The following NEDD4L variants were observed in gnomAD, a reference collection of about 807,000 sequenced individuals.
NEDD4L encodes NEDD4 like E3 ubiquitin protein ligase.
Under a neutral mutation model 148.9 loss-of-function variants are expected in NEDD4L, and 54 were observed. That is an observed-to-expected ratio of 0.36 (90% CI 0.29 to 0.45). The LOEUF (loss-of-function observed/expected upper bound fraction) is 0.45, where lower values mean the gene tolerates loss of function less well. Ranked by LOEUF, NEDD4L falls within the 20% of genes least tolerant of loss-of-function variation. The probability of loss-of-function intolerance (pLI) is 1.00; values close to 1 mark genes in which losing one functional copy is unlikely to be tolerated. For missense variants in NEDD4L, 856 were observed against 1,233.8 expected, an observed-to-expected ratio of 0.69 and a Z score of 4.59; for synonymous variants, 433 against 440.7, an observed-to-expected ratio of 0.98 and a Z score of 0.22.
chr18:58,116,928 C>G (rs1465389990), intron 1 of NEDD4L, among the ~76,000 whole-genome samples: 3 of 152,230 alleles, frequency 2.0e-5, no homozygotes, highest in Admixed American at 6.5e-5. Context: ...AACGCTGGCC[C>G]TTCTTTCTTA....
At chr18:58,068,398 A>G (rs1599042802) in intron 1 of NEDD4L, among the ~76,000 whole-genome samples, 5 of 151,942 alleles carry the variant, frequency 3.3e-5, no homozygotes, top group Admixed American at 3.3e-4. Flanking sequence ...ACGGGGTTTC[A>G]CCATGTTAGC....
chr18:58,168,184 G>T (rs1294254780), intron 2 of NEDD4L, among the ~76,000 whole-genome samples: 1 of 152,188 alleles, frequency 6.6e-6, no homozygotes, highest in Non-Finnish European at 1.5e-5. Context: ...CCTGCTTCTG[G>T]TCTTCATTTT....
chr18:58,374,410 A>G (rs977945487), intron 24 of NEDD4L, among the ~76,000 whole-genome samples: 6 of 152,090 alleles, frequency 3.9e-5, no homozygotes, highest in Admixed American at 2.6e-4. Context: ...GCTTAATGTA[A>G]ATGATCAAGT....
intron 2 of NEDD4L, among the ~76,000 whole-genome samples, chr18:58,236,711 C>T (rs934877510): frequency 6.6e-6 from 1 of 152,158 alleles, no homozygotes; most frequent in African/African-American, 2.4e-5. Flanking sequence ...GTTTTTCCTA[C>T]GTTTCAGATC....
intron 10 of NEDD4L, 86 bp from the exon 11 acceptor site, chr18:58,330,652 C>A: frequency 1.9e-6 from 2 of 1,037,110 alleles, no homozygotes; most frequent in Non-Finnish European, 2.7e-6. Flanking sequence ...ATCACCGGGG[C>A]TATTGTTGTT....
At chr18:58,257,298 T>G (rs1209383764) in intron 5 of NEDD4L, among the ~76,000 whole-genome samples, 2 of 152,126 alleles carry the variant, frequency 1.3e-5, no homozygotes, top group African/African-American at 4.8e-5. Context: ...TCATGGCCTG[T>G]TTGCTGCAGG....
intron 1 of NEDD4L, among the ~76,000 whole-genome samples, chr18:58,054,278 CTGAAGAA>C (rs2144559310): frequency 6.6e-6 from 1 of 152,352 alleles, no homozygotes; most frequent in African/African-American, 2.4e-5. Flanking sequence ...CCCTGAGAAC[CTGAAGAA>C]TGGGACTTTG....
chr18:58,153,591 T>G (rs1004708216), intron 1 of NEDD4L, among the ~76,000 whole-genome samples: 8 of 151,984 alleles, frequency 5.3e-5, no homozygotes, highest in Admixed American at 3.3e-4. Context: ...ATCTGCTTTG[T>G]GTCTCTTAGG....
chr18:58,340,613 A>G (rs563864515), intron 13 of NEDD4L, among the ~76,000 whole-genome samples: 29 of 152,348 alleles, frequency 1.9e-4, no homozygotes, highest in African/African-American at 6.3e-4. Context: ...AGAGCACCCC[A>G]TGGGAGCTAC....
At chr18:58,383,400 A>C in intron 25 of NEDD4L, 81 bp downstream of exon 25, 9 of 791,050 alleles carry the variant, frequency 1.1e-5, no homozygotes, top group Non-Finnish European at 1.5e-5. Flanking sequence ...GAAACAGCTC[A>C]TGCATTTATT....
chr18:58,115,245 C>CTTTTTTTTTTTTTTTTTTTTTTTCTTTTT (rs60541981), intron 1 of NEDD4L, among the ~76,000 whole-genome samples: 1 of 129,538 alleles, frequency 7.7e-6, no homozygotes, highest in African/African-American at 2.9e-5. Context: ...TTCTTTCTTT[C>CTTTTTTTTTTTTTTTTTTTTTTTCTTTTT]TTTTTTTTTT....
At chr18:58,342,024 G>T (rs940356808) in intron 15 of NEDD4L, among the ~76,000 whole-genome samples, 4 of 152,218 alleles carry the variant, frequency 2.6e-5, no homozygotes, top group African/African-American at 9.6e-5. Context: ...GGCTAAGGCC[G>T]TGGTGACTTG....
rs768793308 is a variant in NEDD4L, at chr18:58,165,811, A to T, written c.72A>T (p.Val24=). 4 of 1,611,400 alleles carry T rather than the reference A, an allele frequency of 2.5e-6. No homozygotes were observed. The highest frequency in any genetic ancestry group is 3.4e-6 in the Non-Finnish European group (4 of 1,178,650). The part of the protein sequence containing the change: ...EDEGESRILR[V]KVVSGIDLAK... ...AGGGAGAGTCCCGTATTCTCAGAGT[A>T]AAAGTTGTTTCTGGAATTGATCTCG... Residue 24 remains valine (V), a synonymous_variant, in exon 2 of 31, where the codon GTA becomes GTT. Transcript: ENST00000400345.
intron 1 of NEDD4L, among the ~76,000 whole-genome samples, chr18:58,125,127 T>C (rs1039421961): frequency 6.6e-6 from 1 of 152,224 alleles, no homozygotes; most frequent in Non-Finnish European, 1.5e-5. Flanking sequence ...CTCGAACTCA[T>C]GGCCTCAAGC....
intron 5 of NEDD4L, among the ~76,000 whole-genome samples, chr18:58,281,439 A>G (rs9963992): frequency 0.072 from 11,012 of 151,962 alleles, 1,296 homozygotes; most frequent in African/African-American, 0.25. Flanking sequence ...TTTTGTTATC[A>G]TTCTGTCTTT....
chr18:58,075,540 TGTG>T (rs1377426926), intron 1 of NEDD4L, among the ~76,000 whole-genome samples: 1 of 152,102 alleles, frequency 6.6e-6, no homozygotes, highest in African/African-American at 2.4e-5. Flanking sequence ...TCCTCAAACT[TGTG>T]GGGTCAAGGG....
intron 24 of NEDD4L, among the ~76,000 whole-genome samples, chr18:58,378,837 C>T (rs909507135): frequency 1.8e-4 from 27 of 152,292 alleles, no homozygotes; most frequent in African/African-American, 5.5e-4. Flanking sequence ...TCCCAGGCAG[C>T]GCAAAGCATT....
intron 1 of NEDD4L, among the ~76,000 whole-genome samples, chr18:58,143,906 G>A (rs547659960): frequency 9.2e-5 from 14 of 152,296 alleles, no homozygotes; most frequent in African/African-American, 3.4e-4. Flanking sequence ...CATTTTCCCT[G>A]TGGCCTGATA....
intron 1 of NEDD4L, among the ~76,000 whole-genome samples, chr18:58,057,932 C>T (rs1323599428): frequency 6.6e-6 from 1 of 152,230 alleles, no homozygotes; most frequent in East Asian, 1.9e-4. Flanking sequence ...GAATGAGCAA[C>T]TTCCCCACAC....
Sources: gnomAD v4.1 joint callset for allele counts (sites outside exome capture counted in the v4.1 genomes callset) on GRCh38, gnomAD v4.1.1 for gene constraint, MANE v1.5 for transcripts, NCBI Gene and HGNC (gene_info 2026-07-23, HGNC 2026-07-21) for gene names.